Variants in LRBA observed in about 807,000 individuals in gnomAD.
LRBA encodes lipopolysaccharide-responsive and beige-like anchor protein.
In LRBA, 176 loss-of-function variants were observed where a neutral mutation model predicts 330.0. That is an observed-to-expected ratio of 0.53 (90% confidence interval 0.47 to 0.60). The LOEUF (loss-of-function observed/expected upper bound fraction) is 0.60, where lower values mean the gene tolerates loss of function less well. Ranked by LOEUF, LRBA falls within the 20% of genes least tolerant of loss-of-function variation. LRBA has a pLI of 0.00. For synonymous variants in LRBA, 1,230 were observed against 1,193.0 expected, an observed-to-expected ratio of 1.03 and a Z score of -0.64; for missense variants, 3,259 against 3,444.8, an observed-to-expected ratio of 0.95 and a Z score of 1.35.
At chr4:150,788,239 ATTTTTTTT>A (rs377479266) in intron 34 of LRBA, among the ~76,000 whole-genome samples, 1 of 123,238 alleles carries the variant, frequency 8.1e-6, no homozygotes, top group Admixed American at 7.8e-5. Flanking sequence ...CACCCGGTTA[ATTTTTTTT>A]TTTTTTTTTT....
chr4:150,329,033 A>G (rs537182276), intron 48 of LRBA, among the ~76,000 whole-genome samples: 13 of 152,218 alleles, frequency 8.5e-5, no homozygotes, highest in Non-Finnish European at 1.5e-4. Flanking sequence ...ACATTTTAAT[A>G]CAAGTGGCAC....
At chr4:150,819,570 G>A (rs773993263) in intron 30 of LRBA, among the ~76,000 whole-genome samples, 1 of 152,090 alleles carries the variant, frequency 6.6e-6, no homozygotes, top group Non-Finnish European at 1.5e-5. Context: ...AGAGCTAAAA[G>A]CTAATTGTTG....
intron 46 of LRBA, among the ~76,000 whole-genome samples, chr4:150,416,630 C>T (rs200104846): frequency 9.3e-6 from 1 of 107,162 alleles, no homozygotes; most frequent in Non-Finnish European, 2.1e-5. Context: ...TTTAACTGAA[C>T]AATTAAAAAA....
intron 40 of LRBA, among the ~76,000 whole-genome samples, chr4:150,540,672 A>G (rs965483302): frequency 6.6e-6 from 1 of 152,154 alleles, no homozygotes; most frequent in African/African-American, 2.4e-5. Flanking sequence ...TTTTTCCTTT[A>G]TAACTTTCAA....
chr4:150,925,217 T>C (rs911269748), intron 4 of LRBA, among the ~76,000 whole-genome samples: 5 of 152,048 alleles, frequency 3.3e-5, no homozygotes, highest in Non-Finnish European at 5.9e-5. Flanking sequence ...ACACTTATCA[T>C]TGCTTTCTTT....
chr4:150,957,541 C>T (rs1737672835), intron 2 of LRBA, among the ~76,000 whole-genome samples: 1 of 148,284 alleles, frequency 6.7e-6, no homozygotes, highest in Admixed American at 6.6e-5. Context: ...CTGCCCACGG[C>T]CCCTCCCAAA....
chr4:150,915,761 A>T, intron 7 of LRBA, 34 bp from the exon 8 acceptor site: 1 of 1,561,490 alleles, frequency 6.4e-7, no homozygotes, highest in Non-Finnish European at 8.7e-7. Flanking sequence ...AAATACAAAG[A>T]TAACAATTAT....
intron 36 of LRBA, among the ~76,000 whole-genome samples, chr4:150,697,180 C>A (rs1659752644): frequency 6.6e-6 from 1 of 151,126 alleles, no homozygotes; most frequent in South Asian, 2.1e-4. Context: ...CAAAAATTAG[C>A]CTGGCATGGT....
Position 150,590,571 on chromosome 4 carries a change from G to C in LRBA, c.6193+142C>G, listed in dbSNP as rs540369024. 128 of 649,516 alleles carry C rather than the reference G, an allele frequency of 2.0e-4. No homozygotes were observed. In the African/African-American group the frequency reaches 2.2e-3, roughly 11 times the overall value. The allele number at this position is 649,516 out of a possible 1,614,324, so 40.2% of individuals were successfully genotyped here. On this transcript the variant is annotated intron_variant, in intron 39 of 56. Transcript: ENST00000651943. ...AAAAATAAAGGAGAAACTGTAGAAG[G>C]GGGGGAAGTATTTGAAATAACCAAT...
At chr4:150,811,215 TTA>T (rs756984883) in intron 31 of LRBA, among the ~76,000 whole-genome samples, 1 of 152,102 alleles carries the variant, frequency 6.6e-6, no homozygotes, top group South Asian at 2.1e-4. Flanking sequence ...TTACCAGTGA[TTA>T]ATTAAATAGT....
intron 47 of LRBA, 45 bp downstream of exon 47, chr4:150,415,393 T>C (rs1245997332): frequency 2.5e-6 from 4 of 1,579,080 alleles, no homozygotes; most frequent in East Asian, 2.2e-5. Context: ...AAAGATGCTT[T>C]GAGCAAAAGC....
chr4:150,655,929 T>G lies in LRBA; in HGVS notation c.5921+27622A>C, dbSNP rs184924211. 2.8e-3 allele frequency among the ~76,000 whole-genome samples: 424 copies of G among 152,324 alleles called. 8 individuals carry two copies. Among genetic ancestry groups the G allele is most frequent in the Admixed American group, 0.027 (408 of 15,304 alleles). On this transcript the variant is annotated intron_variant, in intron 37 of 56. Transcript: ENST00000651943. ...GTGTTGGGGGGTATTTATCGCCAAC[T>G]GCCCCTCCTAAAACATCTTTTTGTA...
chr4:150,417,339 T>C (rs1053385363), intron 46 of LRBA, among the ~76,000 whole-genome samples: 2 of 152,094 alleles, frequency 1.3e-5, no homozygotes, highest in Non-Finnish European at 2.9e-5. Context: ...CAAGTGTGTA[T>C]TCAATTAATT....
intron 39 of LRBA, among the ~76,000 whole-genome samples, chr4:150,590,167 T>C (rs553097212): frequency 4.6e-5 from 7 of 152,322 alleles, no homozygotes; most frequent in African/African-American, 1.4e-4. Context: ...CAAGAGAATT[T>C]TTCCCATAAG....
chr4:150,460,905 G>T (rs949513136), intron 44 of LRBA, among the ~76,000 whole-genome samples: 3 of 151,690 alleles, frequency 2.0e-5, no homozygotes, highest in African/African-American at 7.3e-5. Context: ...CTTTTACTAG[G>T]ATAGTAATGA....
At chr4:150,496,479 G>A (rs1227859921) in intron 40 of LRBA, among the ~76,000 whole-genome samples, 1 of 151,644 alleles carries the variant, frequency 6.6e-6, no homozygotes, top group African/African-American at 2.4e-5. Context: ...TAGAAAGGGA[G>A]GTTTTATTTT....
intron 34 of LRBA, among the ~76,000 whole-genome samples, chr4:150,771,728 T>C (rs1736592483): frequency 6.6e-6 from 1 of 152,172 alleles, no homozygotes; most frequent in Non-Finnish European, 1.5e-5. Flanking sequence ...CACTCAGCAG[T>C]GGCCACAGCC....
chr4:150,784,311 C>T (rs1011753112), intron 34 of LRBA, among the ~76,000 whole-genome samples: 2 of 152,266 alleles, frequency 1.3e-5, no homozygotes, highest in Middle Eastern at 3.4e-3. Context: ...GCTTCAGAAA[C>T]GTTTCTTGTA....
intron 40 of LRBA, among the ~76,000 whole-genome samples, chr4:150,499,596 C>T (rs1245125388): frequency 1.3e-5 from 2 of 151,752 alleles, no homozygotes; most frequent in African/African-American, 4.8e-5. Flanking sequence ...TGAGCTATGA[C>T]TGCACCACTG....
Sources: allele counts gnomAD v4.1 joint callset (sites outside exome capture counted in the v4.1 genomes callset), GRCh38; gene constraint gnomAD v4.1.1; transcripts MANE v1.5; gene names NCBI Gene and HGNC (gene_info 2026-07-23, HGNC 2026-07-21).